TMEM132D: variants seen among roughly 807,000 people sequenced by gnomAD.
TMEM132D encodes mature OL transmembrane protein.
Under a neutral mutation model 62.3 loss-of-function variants are expected in TMEM132D, and 21 were observed. The observed-to-expected ratio is 0.34, with a 90% CI of 0.24 to 0.49. The LOEUF is 0.49. Ranked by LOEUF, TMEM132D falls within the 20% of genes least tolerant of loss-of-function variation. The pLI is 0.99. For missense variants in TMEM132D, 1,346 were observed against 1,402.8 expected (o/e 0.96, Z 0.65); for synonymous variants, 621 against 575.6 (o/e 1.08, Z -1.13).
intron 4 of TMEM132D, among the ~76,000 whole-genome samples, chr12:129,306,476 T>A (rs1057309177): frequency 6.6e-6 from 1 of 152,218 alleles, no homozygotes; most frequent in Admixed American, 6.5e-5. Context: ...ATTGGTATTA[T>A]TATCCATAGT....
chr12:129,536,187 A>G (rs1876382075), intron 2 of TMEM132D, among the ~76,000 whole-genome samples: 1 of 152,148 alleles, frequency 6.6e-6, no homozygotes, highest in East Asian at 1.9e-4. Context: ...GTAAAATCTG[A>G]TATCTCCATT....
intron 2 of TMEM132D, among the ~76,000 whole-genome samples, chr12:129,548,398 A>T (rs1343007054): frequency 1.3e-5 from 2 of 152,278 alleles, no homozygotes; most frequent in East Asian, 3.9e-4. Flanking sequence ...AGTATAATAA[A>T]ATCTATTAAT....
chr12:129,646,007 T>C (rs1051603919), intron 2 of TMEM132D, among the ~76,000 whole-genome samples: 3 of 152,178 alleles, frequency 2.0e-5, no homozygotes, highest in South Asian at 2.1e-4. Flanking sequence ...TGCAACCATA[T>C]ATATGGCCAG....
intron 2 of TMEM132D, among the ~76,000 whole-genome samples, chr12:129,660,302 T>A (rs1320322504): frequency 1.4e-5 from 1 of 69,974 alleles, no homozygotes; most frequent in Non-Finnish European, 3.3e-5. Flanking sequence ...TGGTTCACTG[T>A]GTCTGGGATG....
intron 3 of TMEM132D, among the ~76,000 whole-genome samples, chr12:129,364,998 T>C (rs1279555933): frequency 6.6e-6 from 1 of 152,238 alleles, no homozygotes; most frequent in East Asian, 1.9e-4. Flanking sequence ...CATTTTCAAA[T>C]GAATGTACAG....
At chr12:129,301,107 C>T (rs1396923163) in intron 4 of TMEM132D, among the ~76,000 whole-genome samples, 1 of 152,142 alleles carries the variant, frequency 6.6e-6, no homozygotes. Context: ...GATGCAAACA[C>T]TTTGAGGGGT....
intron 1 of TMEM132D, among the ~76,000 whole-genome samples, chr12:129,752,623 T>C (rs1389256002): frequency 6.6e-6 from 1 of 152,244 alleles, no homozygotes; most frequent in Non-Finnish European, 1.5e-5. Flanking sequence ...GCAGCAGTGC[T>C]GGCCAAAGCT....
rs1008918610 is a variant in TMEM132D, at chr12:129,694,905, G to A, written c.968+4905C>T. On this transcript the variant is annotated intron_variant, in intron 2 of 8. Coordinates refer to ENST00000422113, the MANE Select transcript of TMEM132D (RefSeq NM_133448.3). ...AGCCTTTAATCCCAGCTACTTTGGA[G>A]GCTGGGGCAGGAGAATCGCTTGAAC... 3.3e-5 allele frequency among the ~76,000 whole-genome samples: 5 copies of A among 152,338 alleles called. No homozygotes were observed. In the South Asian group the frequency reaches 6.2e-4, roughly 19 times the overall value.
chr12:129,648,923 A>C (rs1197021249), intron 2 of TMEM132D, among the ~76,000 whole-genome samples: 1 of 152,202 alleles, frequency 6.6e-6, no homozygotes, highest in East Asian at 1.9e-4. Context: ...AATGCGGGCC[A>C]AACTGGAGAG....
intron 2 of TMEM132D, among the ~76,000 whole-genome samples, chr12:129,649,021 T>G (rs58106240): frequency 0.017 from 2,596 of 152,238 alleles, 87 homozygotes; most frequent in African/African-American, 0.058. Context: ...GGATGCTGGG[T>G]GCTTTTGGTT....
chr12:129,599,247 T>G (rs2137141270), intron 2 of TMEM132D, among the ~76,000 whole-genome samples: 1 of 152,358 alleles, frequency 6.6e-6, no homozygotes, highest in South Asian at 2.1e-4. Flanking sequence ...CCCATTTTGC[T>G]TAACCCAGTT....
intron 5 of TMEM132D, among the ~76,000 whole-genome samples, chr12:129,130,393 G>A (rs1876341385): frequency 6.6e-6 from 1 of 151,922 alleles, no homozygotes; most frequent in African/African-American, 2.4e-5. Flanking sequence ...GCATGGCCTC[G>A]ACTTCCCCCT....
At chr12:129,243,356 C>CTAT (rs879398563) in intron 4 of TMEM132D, among the ~76,000 whole-genome samples, 6 of 151,922 alleles carry the variant, frequency 3.9e-5, no homozygotes, top group Middle Eastern at 3.4e-3. Flanking sequence ...ATGAACAAGT[C>CTAT]TATTATTATT....
At chr12:129,250,932 G>A (rs1244968448) in intron 4 of TMEM132D, among the ~76,000 whole-genome samples, 1 of 152,120 alleles carries the variant, frequency 6.6e-6, no homozygotes, top group East Asian at 1.9e-4. Context: ...TGCGTACGGT[G>A]GTATTGTGTA....
At chr12:129,604,293 C>A (rs563221287) in intron 2 of TMEM132D, among the ~76,000 whole-genome samples, 1 of 152,250 alleles carries the variant, frequency 6.6e-6, no homozygotes, top group Admixed American at 6.5e-5. Flanking sequence ...GTGTTACAAA[C>A]CTGCACGTTC....
At chr12:129,343,540 C>G (rs908734248) in intron 3 of TMEM132D, among the ~76,000 whole-genome samples, 2 of 151,916 alleles carry the variant, frequency 1.3e-5, no homozygotes, top group South Asian at 2.1e-4. Flanking sequence ...CAAACCTGCA[C>G]GTTGTGCACA....
chr12:129,122,075 C>A (rs1314548387), intron 5 of TMEM132D, among the ~76,000 whole-genome samples: 2 of 152,222 alleles, frequency 1.3e-5, no homozygotes, highest in Non-Finnish European at 2.9e-5. Context: ...GCTTCCACCA[C>A]TGCTGCAGAG....
intron 5 of TMEM132D, among the ~76,000 whole-genome samples, chr12:129,154,297 C>G (rs574537730): frequency 6.6e-6 from 1 of 152,156 alleles, no homozygotes; most frequent in Non-Finnish European, 1.5e-5. Flanking sequence ...ACTCTACTCA[C>G]GTCAGAGTGC....
intron 3 of TMEM132D, among the ~76,000 whole-genome samples, chr12:129,437,850 A>G (rs1872828433): frequency 6.6e-6 from 1 of 151,198 alleles, no homozygotes; most frequent in African/African-American, 2.4e-5. Context: ...TCAACCCGTC[A>G]TCTACATTAG....
Sources: allele counts gnomAD v4.1 joint callset (sites outside exome capture counted in the v4.1 genomes callset), GRCh38; gene constraint gnomAD v4.1.1; transcripts MANE v1.5; gene names NCBI Gene and HGNC (gene_info 2026-07-23, HGNC 2026-07-21).